Variants in LHB observed in about 807,000 individuals in gnomAD.
LHB encodes luteinizing hormone subunit beta, also known as lutropin subunit beta.
A neutral mutation model predicts 10.6 loss-of-function variants in LHB; 11 were observed. The observed-to-expected ratio is 1.04, with a 90% CI of 0.66 to 1.72. LHB has a LOEUF of 1.72. Among genes scored for constraint, LHB ranks in the 40% most tolerant of loss-of-function variants. The pLI, the probability that LHB is intolerant of heterozygous loss-of-function variation, is 0.00. For synonymous variants in LHB, 86 were observed against 83.1 expected (o/e 1.03, Z -0.19); for missense variants, 184 against 197.3 (o/e 0.93, Z 0.41).
Position 49,016,018 on chromosome 19 carries a change from G to C in LHB, c.*50C>G. ...GCCTTTATTGTGGGAGGATCGGGGT[G>C]TCAGGGCTCCAGGAGTCGGGATGGA... On this transcript the variant is annotated 3_prime_UTR_variant, in exon 3 of 3. Coordinates refer to ENST00000649238, the MANE Select transcript of LHB (RefSeq NM_000894.3). 6.2e-7 allele frequency: 1 copy of C among 1,614,116 alleles called. No homozygotes were observed. Among genetic ancestry groups the C allele is most frequent in the Non-Finnish European group, 8.5e-7 (1 of 1,180,056 alleles).
upstream of LHB, chr19:49,018,878 A>G (rs1450231033): frequency 6.5e-6 from 10 of 1,533,814 alleles, no homozygotes; most frequent in Non-Finnish European, 8.7e-6. Flanking sequence ...CTTACTTGGG[A>G]TAGAACCGAA....
chr19:49,019,245 A>G, upstream of LHB: 1 of 1,332,396 alleles, frequency 7.5e-7, no homozygotes, highest in Non-Finnish European at 9.6e-7. Flanking sequence ...CTGCTGTTCA[A>G]GGAACTCAAA....
upstream of LHB, chr19:49,019,482 T>G: frequency 8.2e-7 from 1 of 1,223,248 alleles, no homozygotes; most frequent in South Asian, 3.6e-5. Flanking sequence ...TAGTCCCTGG[T>G]CCTTCTGGCC....
upstream of LHB, chr19:49,017,902 G>A (rs2039585391): frequency 2.5e-6 from 1 of 398,318 alleles, no homozygotes; most frequent in East Asian, 3.6e-5. Context: ...AGTGAGCGGA[G>A]GTCCCGAGCT....
At chr19:49,017,552 C>G (rs1247305160), upstream of LHB, 4 of 1,100,640 alleles carry the variant, frequency 3.6e-6, no homozygotes, top group Admixed American at 4.4e-5. Flanking sequence ...AGGGTCTCCC[C>G]GTGACTGTGC....
At chr19:49,017,969 C>G (rs2039587254), upstream of LHB, 1 of 398,418 alleles carries the variant, frequency 2.5e-6, no homozygotes, top group African/African-American at 2.1e-5. Context: ...CCTGACGGCT[C>G]ACACCAGCGC....
chr19:49,017,153 A>T, upstream of LHB: 1 of 1,608,470 alleles, frequency 6.2e-7, no homozygotes, highest in East Asian at 2.2e-5. Context: ...GGCCACCAGG[A>T]GGTGATAGGA....
intron 2 of LHB, 103 bp downstream of exon 2, chr19:49,016,444 C>G: frequency 6.2e-7 from 1 of 1,601,882 alleles, no homozygotes; most frequent in Non-Finnish European, 8.5e-7. Flanking sequence ...ACACCCCATT[C>G]CCCAACCGCA....
Position 49,016,293 on chromosome 19 carries a change from C to A in LHB, c.201G>T (p.Ala67=), listed in dbSNP as rs149579838. The part of the protein sequence containing the change: ...YCPTMMRVLQ[A]VLPPLPQVVC... The stretch of plus-strand genomic sequence containing the variant: ...CCACCTGAGGCAGGGGCGGCAGGAC[C>A]GCCTGCAGCACGCGCATCTGGAGGC... Residue 67 remains alanine (A), a synonymous_variant, in exon 3 of 3, where the codon GCG becomes GCT. Coordinates refer to ENST00000649238, the MANE Select transcript of LHB (RefSeq NM_000894.3). 18 of 1,611,340 alleles carry A rather than the reference C, an allele frequency of 1.1e-5. 1 individual carries two copies. The South Asian group carries it at 2.0e-4, about 18-fold the overall frequency.
At chr19:49,016,890 T>C in intron 1 of LHB, 176 bp from the exon 2 acceptor site, 6 of 1,585,600 alleles carry the variant, frequency 3.8e-6, no homozygotes, top group Non-Finnish European at 5.1e-6. Context: ...CCAGAGGACC[T>C]GAGATGCCCC....
chr19:49,019,291 T>C (rs1319834991), upstream of LHB: 3 of 1,195,942 alleles, frequency 2.5e-6, no homozygotes, highest in Non-Finnish European at 3.1e-6. Context: ...ACCTCCCTGG[T>C]TCCGCTCTGT....
upstream of LHB, chr19:49,018,242 C>G: frequency 1.2e-6 from 1 of 825,650 alleles, no homozygotes; most frequent in Non-Finnish European, 1.6e-6. Flanking sequence ...GGAGCGCGGA[C>G]AGGGCGGCCG....
chr19:49,017,784 G>A, upstream of LHB: 1 of 403,560 alleles, frequency 2.5e-6, no homozygotes, highest in Non-Finnish European at 4.3e-6. Context: ...TCTGGACTTA[G>A]TCCCCTCTCC....
chr19:49,019,275 A>C, upstream of LHB: 2 of 1,262,740 alleles, frequency 1.6e-6, no homozygotes, highest in South Asian at 2.3e-5. Flanking sequence ...CCAGCCACCA[A>C]AAACAACCTC....
At chr19:49,017,977 C>G (rs1043903118), upstream of LHB, 3 of 398,428 alleles carry the variant, frequency 7.5e-6, no homozygotes, top group African/African-American at 6.2e-5. Flanking sequence ...CTCACACCAG[C>G]GCCGGCTTCA....
In LHB at chr19:49,016,723, A is replaced by C; in HGVS notation, c.16-9T>G. On this transcript the variant is annotated splice_polypyrimidine_tract_variant and intron_variant, in intron 1 of 2. Transcript: ENST00000649238. ...AGCAACAGCAGCAGCCCCTGGGACA[A>C]GGACACTGCTTCACCCAGGTCTGAG... 1.2e-6 allele frequency: 2 copies of C among 1,610,486 alleles called. No homozygotes were observed. The highest frequency in any genetic ancestry group is 1.7e-6 in the Non-Finnish European group (2 of 1,179,724).
rs1235322123 is a variant in LHB at position 49,016,583 on chromosome 19, G to C, written c.147C>G (p.Val49=). Residue 49 remains valine, a synonymous_variant, in exon 2 of 3, where the codon GTC becomes GTG. Transcript: ENST00000649238. Reference sequence around the variant, plus strand: ...AGTAGCCGGCACAGATGGTGGTGTTGACGGTGATGCACACTGGGCAGCCCT... The same window carrying C: ...AGTAGCCGGCACAGATGGTGGTGTTCACGGTGATGCACACTGGGCAGCCCT... The part of the protein sequence containing the change: ...EKEGCPVCIT[V]NTTICAGYCP... 2 of 1,610,858 alleles carry C rather than the reference G, an allele frequency of 1.2e-6. No homozygotes were observed. Among genetic ancestry groups the C allele is most frequent in the Non-Finnish European group, 1.7e-6 (2 of 1,179,696 alleles).
chr19:49,016,142 A>T lies in LHB; in HGVS notation c.352T>A (p.Ser118Thr), dbSNP rs775318829. The change falls in exon 3 of 3, where the codon TCT (serine) becomes ACT (threonine). Residue 118 changes from serine to threonine, a missense_variant. By Grantham distance (58) the Ser-to-Thr change is moderately conservative. Transcript: ENST00000649238. ...TGGTCTTTGGGACCCCCACAGTCAG[A>T]GGTGCTGCGGCGGCAGGGTCCACAG... ...CRCGPCRRST[S>T]DCGGPKDHPL... 26 of 1,612,688 alleles carry T rather than the reference A, an allele frequency of 1.6e-5. No individual in the cohort carries two copies. The Admixed American group carries it at 1.7e-4, about 10-fold the overall frequency.
chr19:49,016,898 C>T, intron 1 of LHB, 169 bp downstream of exon 1: 4 of 1,590,908 alleles, frequency 2.5e-6, no homozygotes, highest in Non-Finnish European at 3.4e-6. Context: ...CCTGAGATGC[C>T]CCAACATTTC....
Sources: gnomAD v4.1 joint callset for allele counts on GRCh38, gnomAD v4.1.1 for gene constraint, MANE v1.5 for transcripts, NCBI Gene and HGNC (gene_info 2026-07-23, HGNC 2026-07-21) for gene names.